Variants in SYNRG observed in about 807,000 individuals in gnomAD.
The protein encoded by SYNRG is AP1 gamma subunit binding protein 1.
Under a neutral mutation model 130.9 loss-of-function variants are expected in SYNRG, and 37 were observed. The observed-to-expected ratio is 0.28, with a 90% CI of 0.22 to 0.37. The LOEUF is 0.37. Among genes scored for constraint, SYNRG ranks in the 10% least tolerant of loss-of-function variants. SYNRG has a pLI of 1.00. For synonymous variants in SYNRG, 539 were observed against 568.1 expected (o/e 0.95, Z 0.73); for missense variants, 1,338 against 1,588.9 (o/e 0.84, Z 2.68).
At chr17:37,540,624 C>A in intron 15 of SYNRG, 81 bp from the exon 16 acceptor site, 1 of 1,297,900 alleles carries the variant, frequency 7.7e-7, no homozygotes, top group Non-Finnish European at 1.0e-6. Context: ...CTACCACAAC[C>A]CTCTTCTTTT....
chr17:37,536,396 A>G (rs997568016), intron 18 of SYNRG: 4 of 436,946 alleles, frequency 9.2e-6, no homozygotes, highest in Non-Finnish European at 1.6e-5. Context: ...ATCTCTCTGT[A>G]CCTCAGTTTC....
intron 2 of SYNRG, among the ~76,000 whole-genome samples, chr17:37,600,129 T>C (rs1160868283): frequency 1.3e-5 from 2 of 152,220 alleles, no homozygotes; most frequent in Non-Finnish European, 2.9e-5. Context: ...TCTATGAACA[T>C]AATGTCTATG....
At chr17:37,594,045 C>A (rs929472062) in intron 3 of SYNRG, among the ~76,000 whole-genome samples, 2 of 151,668 alleles carry the variant, frequency 1.3e-5, no homozygotes, top group African/African-American at 4.8e-5. Context: ...TCATAGTTTA[C>A]TTTTTTCTTA....
intron 1 of SYNRG, among the ~76,000 whole-genome samples, chr17:37,608,311 A>G (rs530800560): frequency 6.6e-6 from 1 of 152,186 alleles, no homozygotes; most frequent in African/African-American, 2.4e-5. Flanking sequence ...AAAAAAACCT[A>G]ACACTTCGTT....
At position 37,567,857 on chromosome 17, in the gene SYNRG, C is replaced by T. The variant is rs142068053; in HGVS notation, c.1481+934G>A. On this transcript the variant is annotated intron_variant, in intron 11 of 21. Transcript: ENST00000612223. ...AAAATAAAACCAAAGGAATTCATAT[C>T]GCTTACTCTGGTGTCTGATGTGTTC... is the stretch of plus-strand genomic sequence containing the variant. 67 of 152,254 alleles carry T rather than the reference C, an allele frequency of 4.4e-4. 1 individual carries two copies. Among genetic ancestry groups the T allele is most frequent in the African/African-American group, 1.4e-3 (58 of 41,558 alleles). The allele number at this position is 152,254 out of a possible 1,614,324, so 9.4% of individuals were successfully genotyped here. A position where few individuals can be genotyped will look rare whatever the true frequency, so the allele number is the denominator to read the frequency against.
At chr17:37,577,318 G>T in intron 7 of SYNRG, 62 bp downstream of exon 7, 1 of 1,423,064 alleles carries the variant, frequency 7.0e-7, no homozygotes, top group Non-Finnish European at 9.9e-7. Flanking sequence ...AATGCTTAAG[G>T]TGTTAGCATT....
intron 19 of SYNRG, chr17:37,529,891 T>C (rs985897028): frequency 3.2e-6 from 5 of 1,539,438 alleles, no homozygotes; most frequent in African/African-American, 2.7e-5. Context: ...GGGGGTTGTA[T>C]AGAAATCTAG....
At chr17:37,560,186 C>T (rs1045515825) in intron 13 of SYNRG, among the ~76,000 whole-genome samples, 3 of 152,016 alleles carry the variant, frequency 2.0e-5, no homozygotes, top group Admixed American at 6.6e-5. Flanking sequence ...GCTGGAATTA[C>T]GGGCATGAGC....
At chr17:37,562,050 G>A (rs923657252) in intron 11 of SYNRG, among the ~76,000 whole-genome samples, 1 of 152,100 alleles carries the variant, frequency 6.6e-6, no homozygotes, top group Admixed American at 6.5e-5. Flanking sequence ...AATGGGTTCA[G>A]AGTGCAGAGG....
At chr17:37,587,866 G>C (rs1418979112) in intron 3 of SYNRG, among the ~76,000 whole-genome samples, 1 of 152,092 alleles carries the variant, frequency 6.6e-6, no homozygotes, top group Non-Finnish European at 1.5e-5. Flanking sequence ...TCCAAAATCT[G>C]GATGTTAGGC....
At chr17:37,596,064 A>C (rs947863955) in intron 3 of SYNRG, among the ~76,000 whole-genome samples, 159 bp downstream of exon 3, 1 of 151,960 alleles carries the variant, frequency 6.6e-6, no homozygotes, top group African/African-American at 2.4e-5. Context: ...CTTTTCCCTC[A>C]CTCTTGGAGG....
intron 10 of SYNRG, among the ~76,000 whole-genome samples, chr17:37,569,526 G>A (rs947448187): frequency 1.3e-5 from 2 of 151,506 alleles, no homozygotes; most frequent in Non-Finnish European, 1.5e-5. Flanking sequence ...GTGGTGGCGG[G>A]CACCTGTAAT....
In SYNRG at chr17:37,598,684, G is replaced by T. The variant is rs972753264; in HGVS notation, c.118+1679C>A. On this transcript the variant is annotated intron_variant, in intron 2 of 21. Coordinates refer to ENST00000612223, the MANE Select transcript of SYNRG (RefSeq NM_007247.6). Reference sequence around the variant, plus strand: ...CATGCATAATTTAAAGCCTTCAAATGATCAAAAAGTCCATTCTAACAACTG... The same window carrying T: ...CATGCATAATTTAAAGCCTTCAAATTATCAAAAAGTCCATTCTAACAACTG... 4.0e-5 allele frequency among the ~76,000 whole-genome samples: 6 copies of T among 151,870 alleles called. 1 individual carries two copies. The highest frequency in any genetic ancestry group is 2.6e-4 in the Admixed American group (4 of 15,206).
intron 6 of SYNRG, among the ~76,000 whole-genome samples, chr17:37,580,733 C>G (rs925124645): frequency 6.6e-6 from 1 of 152,110 alleles, no homozygotes; most frequent in Non-Finnish European, 1.5e-5. Context: ...CGGGGTTTCA[C>G]CATTTTGGCC....
rs894818978 is a variant in SYNRG at position 37,535,902 on chromosome 17, C to G, written c.3666+77G>C. ...ACCTCCAGCCTCTAATAAGTACCAT[C>G]ATAGGAATATACACTCTGCTTTACA... On this transcript the variant is annotated intron_variant, in intron 19 of 21. Coordinates refer to ENST00000612223, the MANE Select transcript of SYNRG (RefSeq NM_007247.6). 6.3e-6 allele frequency: 10 copies of G among 1,580,644 alleles called. No individual in the cohort carries two copies. The African/African-American group carries it at 1.2e-4, about 19-fold the overall frequency.
chr17:37,544,717 G>A (rs1196463807), intron 14 of SYNRG, among the ~76,000 whole-genome samples: 3 of 152,170 alleles, frequency 2.0e-5, no homozygotes, highest in South Asian at 4.1e-4. Flanking sequence ...TTTTCCCCAC[G>A]ATTTAAAGGG....
At chr17:37,566,158 GCC>G (rs945504395) in intron 11 of SYNRG, among the ~76,000 whole-genome samples, 8 of 152,392 alleles carry the variant, frequency 5.2e-5, no homozygotes, top group African/African-American at 1.9e-4. Context: ...TTGAGAAGGG[GCC>G]AGGATGACAA....
intron 19 of SYNRG, among the ~76,000 whole-genome samples, chr17:37,535,654 C>G (rs2057117882): frequency 6.6e-6 from 1 of 152,208 alleles, no homozygotes; most frequent in Non-Finnish European, 1.5e-5. Context: ...CGTATGGGGA[C>G]ATAAATAACT....
At position 37,518,809 on chromosome 17, in the gene SYNRG, C is replaced by A; in HGVS notation, c.*131G>T. 7.3e-7 allele frequency: 1 copy of A among 1,374,962 alleles called. No individual in the cohort carries two copies. Among genetic ancestry groups the A allele is most frequent in the South Asian group, 1.5e-5 (1 of 65,342 alleles). 85.2% of individuals were successfully genotyped at this position (1,374,962 alleles called of 1,614,324 possible). A position where few individuals can be genotyped will look rare whatever the true frequency, so the allele number is the denominator to read the frequency against. On this transcript the variant is annotated 3_prime_UTR_variant, in exon 22 of 22. Coordinates refer to ENST00000612223, the MANE Select transcript of SYNRG (RefSeq NM_007247.6). ...CTGGCCGTGGGGATGACGGGGGCCC[C>A]GTCCCTTGCGGTGTTCTTCATATCG...
Sources: gnomAD v4.1 joint callset for allele counts (sites outside exome capture counted in the v4.1 genomes callset) on GRCh38, gnomAD v4.1.1 for gene constraint, MANE v1.5 for transcripts, NCBI Gene and HGNC (gene_info 2026-07-23, HGNC 2026-07-21) for gene names.